Variants in FHIT observed in about 807,000 individuals in gnomAD.
The protein encoded by FHIT is fragile histidine triad diadenosine triphosphatase.
FHIT carries 19 observed loss-of-function variants against 17.9 expected under a neutral mutation model. The observed-to-expected ratio is 1.06, with a 90% CI of 0.74 to 1.56. The LOEUF is 1.56. Ranked by LOEUF, FHIT falls within the 40% of genes most tolerant of loss-of-function variation. The pLI, the probability that FHIT is intolerant of heterozygous loss-of-function variation, is 0.00. For synonymous variants in FHIT, 81 were observed against 69.7 expected, an observed-to-expected ratio of 1.16 and a Z score of -0.81; for missense variants, 248 against 189.2, an observed-to-expected ratio of 1.31 and a Z score of -1.82.
At chr3:60,316,118 A>G (rs1170579669) in intron 5 of FHIT, among the ~76,000 whole-genome samples, 1 of 152,216 alleles carries the variant, frequency 6.6e-6, no homozygotes, top group Admixed American at 6.5e-5. Context: ...CATTGTAATA[A>G]ATATGCAGAA....
At chr3:61,010,173 T>C (rs1183559475) in intron 3 of FHIT, among the ~76,000 whole-genome samples, 1 of 151,852 alleles carries the variant, frequency 6.6e-6, no homozygotes, top group African/African-American at 2.4e-5. Context: ...ATATACTTGA[T>C]GACAAAGCAT....
At chr3:61,173,671 T>G (rs951205376) in intron 2 of FHIT, among the ~76,000 whole-genome samples, 3 of 152,194 alleles carry the variant, frequency 2.0e-5, no homozygotes, top group African/African-American at 7.2e-5. Flanking sequence ...TGTGAGAACC[T>G]AAAGAGACTG....
intron 5 of FHIT, among the ~76,000 whole-genome samples, chr3:60,349,059 T>A (rs553818265): frequency 6.6e-6 from 1 of 152,344 alleles, no homozygotes; most frequent in East Asian, 1.9e-4. Context: ...GATTCACATA[T>A]AAGCTTTGTA....
At chr3:60,748,117 T>C (rs1177528918) in intron 4 of FHIT, among the ~76,000 whole-genome samples, 2 of 151,608 alleles carry the variant, frequency 1.3e-5, no homozygotes, top group African/African-American at 2.4e-5. Context: ...AGCTTTGGAG[T>C]AGAGAAAATG....
chr3:60,007,246 T>A (rs899459039), intron 7 of FHIT, among the ~76,000 whole-genome samples: 2 of 152,160 alleles, frequency 1.3e-5, no homozygotes, highest in Non-Finnish European at 2.9e-5. Flanking sequence ...TCTAAAGAAA[T>A]GAATATTGCC....
chr3:60,255,703 C>T (rs561177318), intron 5 of FHIT, among the ~76,000 whole-genome samples: 1 of 152,176 alleles, frequency 6.6e-6, no homozygotes, highest in African/African-American at 2.4e-5. Flanking sequence ...AGAAAACAGT[C>T]AGTGGCCTCC....
At chr3:61,044,316 T>A (rs11710155) in intron 2 of FHIT, among the ~76,000 whole-genome samples, 123,524 of 152,104 alleles carry the variant, frequency 0.81, 50,830 homozygotes, top group East Asian at 0.99. Flanking sequence ...AAACCATGGC[T>A]CAAGAACTAC....
Position 61,197,882 on chromosome 3 carries a change from CCTT to C in FHIT, c.-164+2732_-164+2734del, listed in dbSNP as rs1413442084. 4.0e-5 allele frequency among the ~76,000 whole-genome samples: 6 copies of C among 148,890 alleles called. No individual in the cohort carries two copies. In the East Asian group the frequency reaches 1.5e-3, roughly 37 times the overall value. The stretch of plus-strand genomic sequence containing the variant: ...CCAGCTCTACGCCCACATACATACA[CCTT>C]CTTTGAGAGCTAAGAGAAGCAGCCA... On this transcript the variant is annotated intron_variant, in intron 2 of 9. Transcript: ENST00000492590.
At chr3:60,598,484 T>C (rs12498136) in intron 4 of FHIT, among the ~76,000 whole-genome samples, 41,965 of 152,126 alleles carry the variant, frequency 0.28, 6,384 homozygotes, top group East Asian at 0.57. Flanking sequence ...TGAGGATAGA[T>C]AATTCCACTG....
rs904063754 is a variant in FHIT at position 61,068,261 on chromosome 3, A to C, written c.-163-26162T>G. 2.0e-5 allele frequency among the ~76,000 whole-genome samples: 3 copies of C among 152,170 alleles called. No homozygotes were observed. The East Asian group carries it at 5.8e-4, about 29-fold the overall frequency. On this transcript the variant is annotated intron_variant, in intron 2 of 9. Transcript: ENST00000492590. ...AGACTCCTTTCTGCAGTCTCTAAGGAAGAATGTTTCCTTGCTCATTCCGGT... is the reference window on the plus strand; with the variant it reads ...AGACTCCTTTCTGCAGTCTCTAAGGCAGAATGTTTCCTTGCTCATTCCGGT...
intron 4 of FHIT, among the ~76,000 whole-genome samples, chr3:60,573,122 G>T (rs369401098): frequency 1.3e-5 from 2 of 152,100 alleles, no homozygotes; most frequent in Non-Finnish European, 2.9e-5. Context: ...TTGGCTTTTT[G>T]CTAGAAAGCC....
At chr3:60,728,412 A>T (rs1553710173) in intron 4 of FHIT, among the ~76,000 whole-genome samples, 3 of 152,142 alleles carry the variant, frequency 2.0e-5, no homozygotes, top group Non-Finnish European at 4.4e-5. Flanking sequence ...AGACAGGTCA[A>T]AACTAAATTC....
chr3:60,809,604 C>T (rs1161287546), intron 4 of FHIT, among the ~76,000 whole-genome samples: 2 of 152,168 alleles, frequency 1.3e-5, no homozygotes, highest in South Asian at 4.1e-4. Context: ...ATTCTCAAAC[C>T]TTAGTACATA....
At chr3:60,282,244 C>A (rs1000495484) in intron 5 of FHIT, among the ~76,000 whole-genome samples, 1 of 152,146 alleles carries the variant, frequency 6.6e-6, no homozygotes, top group Non-Finnish European at 1.5e-5. Flanking sequence ...AATAATCTGT[C>A]TTTCACAACA....
intron 2 of FHIT, among the ~76,000 whole-genome samples, chr3:61,160,636 T>C (rs1405954875): frequency 6.6e-6 from 1 of 151,606 alleles, no homozygotes; most frequent in Non-Finnish European, 1.5e-5. Flanking sequence ...ATTATTTGTG[T>C]AGACTGACTA....
intron 4 of FHIT, among the ~76,000 whole-genome samples, chr3:60,653,179 A>G (rs1553688776): frequency 6.6e-6 from 1 of 152,218 alleles, no homozygotes; most frequent in African/African-American, 2.4e-5. Context: ...AACAGAAAAC[A>G]TGACACTGGA....
intron 5 of FHIT, among the ~76,000 whole-genome samples, chr3:60,083,756 T>C (rs577690021): frequency 6.6e-6 from 1 of 152,330 alleles, no homozygotes; most frequent in East Asian, 1.9e-4. Flanking sequence ...CAGTCATATA[T>C]AATATATAAA....
chr3:60,440,356 G>A (rs970708075), intron 5 of FHIT, among the ~76,000 whole-genome samples: 14 of 152,020 alleles, frequency 9.2e-5, no homozygotes, highest in African/African-American at 3.4e-4. Flanking sequence ...CTGGAAGATG[G>A]TATATAAATG....
intron 4 of FHIT, among the ~76,000 whole-genome samples, chr3:60,783,604 T>C (rs2108101590): frequency 6.6e-6 from 1 of 152,294 alleles, no homozygotes; most frequent in African/African-American, 2.4e-5. Context: ...TGTGGGGAAA[T>C]GAATTTTAAG....
Sources: gnomAD v4.1 joint callset for allele counts (sites outside exome capture counted in the v4.1 genomes callset) on GRCh38, gnomAD v4.1.1 for gene constraint, MANE v1.5 for transcripts, NCBI Gene and HGNC (gene_info 2026-07-23, HGNC 2026-07-21) for gene names.